ALDH1A2: variants seen among roughly 807,000 people sequenced by gnomAD.
ALDH1A2 encodes the protein aldehyde dehydrogenase 1 family member A2, also known as retinal dehydrogenase 2.
Under a neutral mutation model 60.3 loss-of-function variants are expected in ALDH1A2, and 27 were observed. That is an observed-to-expected ratio of 0.45 (90% CI 0.33 to 0.62). The LOEUF (loss-of-function observed/expected upper bound fraction) is 0.62. Ranked by LOEUF, ALDH1A2 falls within the 20% of genes least tolerant of loss-of-function variation. ALDH1A2 has a pLI of 0.02. For synonymous variants in ALDH1A2, 289 were observed against 232.4 expected (o/e 1.24, Z -2.21); for missense variants, 581 against 643.8 (o/e 0.90, Z 1.06).
rs114229501 is a variant in ALDH1A2, at chr15:57,965,845, G to T, written c.799-18C>A. 183 of 1,608,464 alleles carry T rather than the reference G, an allele frequency of 1.1e-4. No homozygotes were observed. The African/African-American group carries it at 2.1e-3, about 19-fold the overall frequency. On this transcript the variant is annotated intron_variant, in intron 7 of 12. Coordinates refer to ENST00000249750, the MANE Select transcript of ALDH1A2 (RefSeq NM_003888.4). The stretch of plus-strand genomic sequence containing the variant: ...TTTCCAACCTGAAAGAAGGGAAATG[G>T]AGACAGGTTTTGCAAATCCTGCAGG...
At chr15:58,014,651 T>C in intron 1 of ALDH1A2, 1 of 411,992 alleles carries the variant, frequency 2.4e-6, no homozygotes, top group South Asian at 1.8e-5. Flanking sequence ...AAACTTACAG[T>C]CATCAAGCCT....
chr15:58,065,244 G>A (rs560742121), intron 1 of ALDH1A2: 1 of 435,470 alleles, frequency 2.3e-6, no homozygotes, highest in East Asian at 5.3e-5. Context: ...GGGACCGGGA[G>A]AATCGGACAG....
intron 4 of ALDH1A2, among the ~76,000 whole-genome samples, chr15:58,006,868 A>G (rs2140509541): frequency 6.6e-6 from 1 of 151,708 alleles, no homozygotes; most frequent in African/African-American, 2.4e-5. Context: ...TTAAAAAAAA[A>G]AAAAAAAAGT....
chr15:58,034,754 T>C (rs1045869978), intron 1 of ALDH1A2, among the ~76,000 whole-genome samples: 16 of 151,710 alleles, frequency 1.1e-4, no homozygotes, highest in African/African-American at 3.9e-4. Flanking sequence ...TGTCAGCCCA[T>C]TGATAAGACA....
chr15:58,005,956 T>C (rs1319846803), intron 4 of ALDH1A2, among the ~76,000 whole-genome samples: 3 of 151,992 alleles, frequency 2.0e-5, no homozygotes, highest in African/African-American at 7.2e-5. Flanking sequence ...TAAAATTTAT[T>C]TGTAACCCAA....
intron 3 of ALDH1A2, among the ~76,000 whole-genome samples, chr15:58,011,521 A>AT (rs1359858735): frequency 3.9e-5 from 6 of 152,218 alleles, no homozygotes; most frequent in African/African-American, 1.4e-4. Context: ...GACTTGAGAA[A>AT]TATTAAAGGT....
At position 58,001,034 on chromosome 15, in the gene ALDH1A2, TAAAA is replaced by T. The variant is rs10641902; in HGVS notation, c.494-5899_494-5896del. 1.1e-3 allele frequency among the ~76,000 whole-genome samples: 135 copies of T among 126,226 alleles called. 1 individual carries two copies. The highest frequency in any genetic ancestry group is 1.9e-3 in the African/African-American group (67 of 34,694). 82.8% of individuals were successfully genotyped at this position (126,226 alleles called of 152,430 possible). On this transcript the variant is annotated intron_variant, in intron 4 of 12. Coordinates refer to ENST00000249750, the MANE Select transcript of ALDH1A2 (RefSeq NM_003888.4). Reference sequence around the variant, plus strand: ...TGTATTTTTAATACTTCAAAATTGTTAAAAAAAAAAAAAAAAAAAGAATGAAAAC... The same window carrying T: ...TGTATTTTTAATACTTCAAAATTGTTAAAAAAAAAAAAAAAGAATGAAAAC...
At chr15:57,969,964 A>G (rs190712504) in intron 7 of ALDH1A2, among the ~76,000 whole-genome samples, 6 of 152,304 alleles carry the variant, frequency 3.9e-5, no homozygotes, top group African/African-American at 1.4e-4. Flanking sequence ...TGGGAAAGCC[A>G]CTTCTCCTCC....
At chr15:58,052,187 T>C (rs1266380413) in intron 1 of ALDH1A2, among the ~76,000 whole-genome samples, 5 of 152,128 alleles carry the variant, frequency 3.3e-5, no homozygotes, top group Admixed American at 2.6e-4. Context: ...CATGAGTACA[T>C]TGTTGAGACA....
chr15:58,044,093 G>T (rs1202681657), intron 1 of ALDH1A2, among the ~76,000 whole-genome samples: 6 of 152,000 alleles, frequency 3.9e-5, no homozygotes, highest in African/African-American at 9.7e-5. Flanking sequence ...TATTTGAAAA[G>T]AGGACTTGAT....
At chr15:58,042,427 G>C (rs979123048) in intron 1 of ALDH1A2, among the ~76,000 whole-genome samples, 2 of 151,986 alleles carry the variant, frequency 1.3e-5, no homozygotes, top group Non-Finnish European at 2.9e-5. Context: ...TCTACATAAG[G>C]AACAGTAAAA....
At chr15:58,007,901 G>T (rs955711525) in intron 4 of ALDH1A2, among the ~76,000 whole-genome samples, 1 of 151,856 alleles carries the variant, frequency 6.6e-6, no homozygotes, top group African/African-American at 2.4e-5. Context: ...ACAAATTTGA[G>T]AACAAGTGAA....
At position 58,017,767 on chromosome 15, in the gene ALDH1A2, T is replaced by C. The variant is rs972622877; in HGVS notation, c.118-3486A>G. On this transcript the variant is annotated intron_variant, in intron 1 of 12. Transcript: ENST00000249750. ...TGTTTAAATTCTTATTTTGCTGTTT[T>C]TTTTACCATCTCTTTATTCTTACTT... 2.0e-5 allele frequency among the ~76,000 whole-genome samples: 3 copies of C among 152,160 alleles called. No homozygotes were observed. The South Asian group carries it at 6.2e-4, about 31-fold the overall frequency.
chr15:57,955,300 C>A (rs1484354651), intron 12 of ALDH1A2, 31 bp from the exon 13 acceptor site: 2 of 1,612,254 alleles, frequency 1.2e-6, no homozygotes, highest in African/African-American at 1.3e-5. Flanking sequence ...GGGTCAGATA[C>A]CAGAAGTCCA....
intron 1 of ALDH1A2, among the ~76,000 whole-genome samples, chr15:58,021,730 C>T: frequency 6.6e-6 from 1 of 152,248 alleles, no homozygotes; most frequent in South Asian, 2.1e-4. Context: ...TAAGGAAACT[C>T]AGGCTATTAC....
chr15:57,988,342 T>C (rs1388912735), intron 7 of ALDH1A2, among the ~76,000 whole-genome samples: 3 of 151,924 alleles, frequency 2.0e-5, no homozygotes, highest in African/African-American at 4.8e-5. Context: ...TAATGCAAAA[T>C]AGAATAAAAA....
chr15:58,010,525 A>G, intron 4 of ALDH1A2, 124 bp downstream of exon 4: 5 of 1,301,682 alleles, frequency 3.8e-6, no homozygotes, highest in Non-Finnish European at 4.3e-6. Flanking sequence ...TTCTTCACTC[A>G]GTTCTAACTG....
chr15:57,954,777 A>C lies in ALDH1A2; in HGVS notation c.*420T>G. ...ATGAGCTCAGCTGACATCTCCTTGG[A>C]AGAGAGGGAGGGGTGGGTGAGCGAG... On this transcript the variant is annotated 3_prime_UTR_variant, in exon 13 of 13. Coordinates refer to ENST00000249750, the MANE Select transcript of ALDH1A2 (RefSeq NM_003888.4). 1 of 238,668 alleles carries C rather than the reference A, an allele frequency of 4.2e-6. No individual in the cohort carries two copies. Among genetic ancestry groups the C allele is most frequent in the Non-Finnish European group, 8.4e-6 (1 of 118,964 alleles). The allele number at this position is 238,668 out of a possible 1,614,324, so 14.8% of individuals were successfully genotyped here.
At chr15:57,959,504 G>A (rs1205415286) in intron 12 of ALDH1A2, among the ~76,000 whole-genome samples, 1 of 152,168 alleles carries the variant, frequency 6.6e-6, no homozygotes, top group African/African-American at 2.4e-5. Flanking sequence ...TACAGGTTAA[G>A]AAAAAGAGGA....
Sources: allele counts gnomAD v4.1 joint callset (sites outside exome capture counted in the v4.1 genomes callset), GRCh38; gene constraint gnomAD v4.1.1; transcripts MANE v1.5; gene names NCBI Gene and HGNC (gene_info 2026-07-23, HGNC 2026-07-21).